UNC13C: variants seen among roughly 807,000 people sequenced by gnomAD.
UNC13C encodes the protein protein unc-13 homolog C.
A neutral mutation model predicts 245.4 loss-of-function variants in UNC13C; 174 were observed. The observed-to-expected ratio is 0.71, with a 90% CI of 0.63 to 0.80. UNC13C has a LOEUF of 0.80. Ranked by LOEUF, UNC13C falls within the 30% of genes least tolerant of loss-of-function variation. UNC13C has a pLI of 0.00. For synonymous variants in UNC13C, 992 were observed against 895.1 expected, an observed-to-expected ratio of 1.11 and a Z score of -1.93; for missense variants, 2,829 against 2,602.9, an observed-to-expected ratio of 1.09 and a Z score of -1.89.
At chr15:53,847,855 A>G in the UNC13C span, among the ~76,000 whole-genome samples, 11 of 152,152 alleles carry the variant, frequency 7.2e-5, no homozygotes, top group African/African-American at 2.7e-4. Context: ...TCTCTCATTG[A>G]TTGTGTGTTT....
the UNC13C span, among the ~76,000 whole-genome samples, chr15:53,847,414 C>T: frequency 5.3e-5 from 8 of 150,640 alleles, no homozygotes; most frequent in Middle Eastern, 3.4e-3. Flanking sequence ...TGGAGTGCAA[C>T]GATGTGGTCT....
At chr15:53,854,122 G>GTT in the UNC13C span, among the ~76,000 whole-genome samples, 16 of 133,570 alleles carry the variant, frequency 1.2e-4, no homozygotes, top group African/African-American at 4.2e-4. Context: ...GTTTTTATAG[G>GTT]TTTTTTTTTT....
chr15:53,925,252 C>T, the UNC13C span, among the ~76,000 whole-genome samples: 1 of 152,088 alleles, frequency 6.6e-6, no homozygotes, highest in East Asian at 1.9e-4. Context: ...GGTAGATATC[C>T]TCCCAAAATA....
rs538150742 is a variant in UNC13C at position 54,572,675 on chromosome 15, G to A, written c.6106+4728G>A. On this transcript the variant is annotated intron_variant, in intron 30 of 32. Coordinates refer to ENST00000260323, the MANE Select transcript of UNC13C (RefSeq NM_001080534.3). ...TCCTGACCCCAGGTGATCTGCCCAC[G>A]TCAGCCTCCCAAAGTGCTGGGATTA... is the stretch of plus-strand genomic sequence containing the variant. Among the ~76,000 whole-genome samples the A allele has an allele frequency of 6.6e-5, 10 of 151,886 alleles. No individual in the cohort carries two copies. In the South Asian group the frequency reaches 1.0e-3, roughly 16 times the overall value.
intron 27 of UNC13C, 124 bp from the exon 28 acceptor site, chr15:54,549,511 C>T (rs1028876797): frequency 1.7e-5 from 12 of 700,420 alleles, no homozygotes; most frequent in Non-Finnish European, 2.6e-5. Flanking sequence ...CAATTAAGGG[C>T]ATCTGGCATA....
intron 27 of UNC13C, among the ~76,000 whole-genome samples, chr15:54,547,453 GGAAA>G (rs1896534727): frequency 6.6e-6 from 1 of 151,964 alleles, no homozygotes; most frequent in African/African-American, 2.4e-5. Flanking sequence ...GCCAAACAAG[GGAAA>G]AATAACACTA....
intron 4 of UNC13C, among the ~76,000 whole-genome samples, chr15:54,152,088 A>G (rs2032544632): frequency 6.6e-6 from 1 of 152,220 alleles, no homozygotes; most frequent in African/African-American, 2.4e-5. Flanking sequence ...CAACTCCCAA[A>G]GGCAGTCTTT....
At chr15:54,270,149 C>T (rs2036648290) in intron 10 of UNC13C, among the ~76,000 whole-genome samples, 1 of 152,130 alleles carries the variant, frequency 6.6e-6, no homozygotes, top group Non-Finnish European at 1.5e-5. Context: ...TGCATGTTTT[C>T]ATTTATCATA....
At chr15:54,486,328 TC>T (rs1256373060) in intron 19 of UNC13C, among the ~76,000 whole-genome samples, 1 of 148,974 alleles carries the variant, frequency 6.7e-6, no homozygotes, top group African/African-American at 2.5e-5. Context: ...TCCTAGCTGC[TC>T]CAGAGGCTGA....
At chr15:54,431,204 CAT>C (rs1205263730) in intron 19 of UNC13C, among the ~76,000 whole-genome samples, 5 of 151,650 alleles carry the variant, frequency 3.3e-5, no homozygotes, top group South Asian at 2.1e-4. Flanking sequence ...AGGTTTATAA[CAT>C]GTGCAAATTT....
rs761010830 is a variant in UNC13C at position 54,265,461 on chromosome 15, A to C, written c.3783A>C (p.Gly1261=). 2.6e-6 allele frequency: 4 copies of C among 1,562,370 alleles called. No homozygotes were observed. Among genetic ancestry groups the C allele is most frequent in the Non-Finnish European group, 3.5e-6 (4 of 1,150,740 alleles). The change falls in exon 10 of 33, where the codon GGA becomes GGC. Residue 1261 remains glycine, a synonymous_variant. Transcript: ENST00000260323. The part of the protein sequence containing the change: ...KNKRRTKTIF[G]NLNPVWDEKF... ...AAAGAAGAACAAAAACCATTTTTGGAAATTTGAATCCAGTATGGGATGAGA... is the reference window on the plus strand; with the variant it reads ...AAAGAAGAACAAAAACCATTTTTGGCAATTTGAATCCAGTATGGGATGAGA...
chr15:54,185,542 G>T (rs551959300), intron 4 of UNC13C, among the ~76,000 whole-genome samples: 11 of 150,940 alleles, frequency 7.3e-5, no homozygotes, highest in Admixed American at 3.3e-4. Flanking sequence ...TTTCCCCATT[G>T]CTTGTTTTTG....
intron 30 of UNC13C, among the ~76,000 whole-genome samples, chr15:54,603,080 T>G (rs1310944069): frequency 6.6e-6 from 1 of 152,156 alleles, no homozygotes; most frequent in Non-Finnish European, 1.5e-5. Context: ...CACAAAGAAC[T>G]CTTAGCTGTT....
intron 2 of UNC13C, among the ~76,000 whole-genome samples, chr15:54,100,746 T>C (rs774902090): frequency 9.9e-5 from 15 of 152,082 alleles, no homozygotes; most frequent in Non-Finnish European, 4.4e-5. Flanking sequence ...ATTAACATTA[T>C]TTCAAAACCT....
chr15:54,175,402 A>G (rs1440142845), intron 4 of UNC13C, among the ~76,000 whole-genome samples: 2 of 152,182 alleles, frequency 1.3e-5, no homozygotes, highest in African/African-American at 4.8e-5. Context: ...CACCATAACT[A>G]TAAAACAGTA....
the UNC13C span, among the ~76,000 whole-genome samples, chr15:53,907,366 G>A: frequency 6.6e-6 from 1 of 152,082 alleles, no homozygotes; most frequent in Non-Finnish European, 1.5e-5. Context: ...AAAAAGAAAG[G>A]ATATATTTAA....
intron 25 of UNC13C, among the ~76,000 whole-genome samples, chr15:54,528,523 T>C (rs1895590503): frequency 6.6e-6 from 1 of 152,106 alleles, no homozygotes; most frequent in Admixed American, 6.5e-5. Context: ...TTTCTTTTTC[T>C]ATTTTTCTTT....
At chr15:54,111,966 A>G (rs2141176442) in intron 2 of UNC13C, among the ~76,000 whole-genome samples, 1 of 152,314 alleles carries the variant, frequency 6.6e-6, no homozygotes, top group East Asian at 1.9e-4. Context: ...GGTTGAGGCT[A>G]GGATGCAACA....
intron 19 of UNC13C, among the ~76,000 whole-genome samples, chr15:54,464,498 G>A (rs921670109): frequency 1.6e-4 from 24 of 152,058 alleles, no homozygotes; most frequent in Admixed American, 1.6e-3. Flanking sequence ...ACATCAGAAT[G>A]ATGAGTTGTA....
Sources: gnomAD v4.1 joint callset for allele counts (sites outside exome capture counted in the v4.1 genomes callset) on GRCh38, gnomAD v4.1.1 for gene constraint, MANE v1.5 for transcripts, NCBI Gene and HGNC (gene_info 2026-07-23, HGNC 2026-07-21) for gene names.